Variants in ASTN2 observed in about 807,000 individuals in gnomAD.
ASTN2 encodes the protein astrotactin-2.
A neutral mutation model predicts 139.8 loss-of-function variants in ASTN2; 54 were observed. That is an observed-to-expected ratio of 0.39 (90% CI 0.31 to 0.48). The LOEUF (loss-of-function observed/expected upper bound fraction) is 0.48, where lower values mean the gene tolerates loss of function less well. ASTN2 is among the 20% of genes least tolerant of loss of function. The pLI, the probability that ASTN2 is intolerant of heterozygous loss-of-function variation, is 0.95. For synonymous variants in ASTN2, 756 were observed against 719.5 expected (o/e 1.05, Z -0.81); for missense variants, 1,565 against 1,725.1 (o/e 0.91, Z 1.64).
In ASTN2 at chr9:116,570,465, G is replaced by A. The variant is rs910158775; in HGVS notation, c.3355+47859C>T. On this transcript the variant is annotated intron_variant, in intron 19 of 22. Transcript: ENST00000313400. ...GGCTGGAGTGCAGTGGCATCATCTC[G>A]GCTCACTGCAAGCTCCGCCTCCCAG... Among the ~76,000 whole-genome samples, 8 of 151,750 alleles carry A rather than the reference G, an allele frequency of 5.3e-5. 2 individuals carry two copies. Among genetic ancestry groups the A allele is most frequent in the African/African-American group, 1.2e-4 (5 of 41,322 alleles).
chr9:117,061,087 G>A (rs910506995), intron 5 of ASTN2, among the ~76,000 whole-genome samples: 16 of 151,984 alleles, frequency 1.1e-4, no homozygotes, highest in African/African-American at 3.6e-4. Flanking sequence ...GTTCAAGGAA[G>A]GCAGAAATAC....
rs541277601 is a variant in ASTN2 at position 116,738,179 on chromosome 9, G to A, written c.2397-4656C>T. Among the ~76,000 whole-genome samples, 259 of 142,506 alleles carry A rather than the reference G, an allele frequency of 1.8e-3. 1 individual carries two copies. Among genetic ancestry groups the A allele is most frequent in the African/African-American group, 6.3e-3 (242 of 38,574 alleles). The allele number at this position is 142,506 out of a possible 152,430, so 93.5% of individuals were successfully genotyped here. A position where few individuals can be genotyped will look rare whatever the true frequency, so the allele number is the denominator to read the frequency against. On this transcript the variant is annotated intron_variant, in intron 13 of 22. Transcript: ENST00000313400. Reference sequence around the variant, plus strand: ...TGCACTCCAGCCTGGGCGACAGAGCGAGACTCCGTCTCAAAAAAAAAAAAA... The same window carrying A: ...TGCACTCCAGCCTGGGCGACAGAGCAAGACTCCGTCTCAAAAAAAAAAAAA...
At chr9:116,436,359 G>A (rs1247659351) in intron 22 of ASTN2, among the ~76,000 whole-genome samples, 1 of 152,106 alleles carries the variant, frequency 6.6e-6, no homozygotes, top group Non-Finnish European at 1.5e-5. Context: ...GACCCAGCAG[G>A]TGGGACTCCA....
At chr9:116,871,728 G>T (rs925509271) in intron 10 of ASTN2, among the ~76,000 whole-genome samples, 5 of 152,124 alleles carry the variant, frequency 3.3e-5, no homozygotes, top group African/African-American at 1.2e-4. Flanking sequence ...TGGACATTTT[G>T]GTTGTTTCCA....
chr9:117,014,695 A>G (rs1564384663), intron 6 of ASTN2, among the ~76,000 whole-genome samples: 1 of 152,112 alleles, frequency 6.6e-6, no homozygotes, highest in South Asian at 2.1e-4. Context: ...AGGGTCTTCA[A>G]AGAGGTAATT....
chr9:116,922,805 A>G (rs899866885), intron 10 of ASTN2, among the ~76,000 whole-genome samples: 1 of 152,224 alleles, frequency 6.6e-6, no homozygotes, highest in African/African-American at 2.4e-5. Context: ...TCTGGGGATA[A>G]GCATATCAAA....
At chr9:116,696,398 T>G (rs1860854415) in intron 16 of ASTN2, among the ~76,000 whole-genome samples, 1 of 152,236 alleles carries the variant, frequency 6.6e-6, no homozygotes, top group South Asian at 2.1e-4. Flanking sequence ...ATTTTTCCAT[T>G]TTAAAGGTGG....
chr9:116,686,688 C>G (rs1217269093), intron 16 of ASTN2: 3 of 1,550,188 alleles, frequency 1.9e-6, no homozygotes, highest in Non-Finnish European at 2.6e-6. Flanking sequence ...GGTTTGGGTT[C>G]CCGGGTACCT....
At chr9:117,296,602 G>T (rs1249665619) in intron 1 of ASTN2, among the ~76,000 whole-genome samples, 2 of 152,194 alleles carry the variant, frequency 1.3e-5, no homozygotes, top group Non-Finnish European at 2.9e-5. Flanking sequence ...GCAAAAGGGG[G>T]ACTAAATGCA....
intron 2 of ASTN2, among the ~76,000 whole-genome samples, chr9:117,218,127 A>G (rs1198105067): frequency 6.6e-6 from 1 of 152,218 alleles, no homozygotes; most frequent in Non-Finnish European, 1.5e-5. Flanking sequence ...CAAGTTACCT[A>G]CACAATTTCA....
At chr9:117,157,928 T>C (rs750941294) in intron 3 of ASTN2, among the ~76,000 whole-genome samples, 1 of 151,982 alleles carries the variant, frequency 6.6e-6, no homozygotes, top group Non-Finnish European at 1.5e-5. Context: ...GGAACAAGGA[T>C]CTTAGGGAAA....
chr9:116,668,859 G>T (rs1040807943), intron 16 of ASTN2, among the ~76,000 whole-genome samples: 1 of 152,194 alleles, frequency 6.6e-6, no homozygotes, highest in Non-Finnish European at 1.5e-5. Flanking sequence ...ATGACTTAGT[G>T]TGTCGGTCAG....
chr9:116,902,150 T>C (rs1027397414), intron 10 of ASTN2, among the ~76,000 whole-genome samples: 2 of 152,196 alleles, frequency 1.3e-5, no homozygotes, highest in African/African-American at 4.8e-5. Context: ...ACTGTTACCA[T>C]AGGAGATGAC....
intron 4 of ASTN2, among the ~76,000 whole-genome samples, chr9:117,097,613 T>A (rs1289743046): frequency 1.3e-5 from 2 of 152,302 alleles, no homozygotes; most frequent in African/African-American, 4.8e-5. Context: ...GAGAATTAAG[T>A]GCCTGAAAGA....
intron 3 of ASTN2, among the ~76,000 whole-genome samples, chr9:117,158,198 A>T (rs1007568178): frequency 8.5e-5 from 13 of 152,188 alleles, no homozygotes; most frequent in Non-Finnish European, 5.9e-5. Flanking sequence ...GCTAGTGACT[A>T]TGCATTTATT....
chr9:117,244,708 G>T (rs1213376766), intron 2 of ASTN2, among the ~76,000 whole-genome samples: 1 of 136,290 alleles, frequency 7.3e-6, no homozygotes, highest in Admixed American at 7.3e-5. Context: ...AAGGAGAAAG[G>T]AAGGAGAAAG....
chr9:117,264,664 T>C (rs1011354547), intron 2 of ASTN2, among the ~76,000 whole-genome samples: 17 of 152,170 alleles, frequency 1.1e-4, no homozygotes, highest in Non-Finnish European at 2.2e-4. Flanking sequence ...AAAACACAAC[T>C]GGTCTTCCCC....
chr9:116,430,435 C>G (rs1430700480), intron 22 of ASTN2, among the ~76,000 whole-genome samples: 1 of 152,204 alleles, frequency 6.6e-6, no homozygotes, highest in African/African-American at 2.4e-5. Flanking sequence ...TTCAATGCCA[C>G]TAACTCTTAG....
At chr9:116,542,291 CA>C (rs1342586295) in intron 19 of ASTN2, among the ~76,000 whole-genome samples, 3 of 152,108 alleles carry the variant, frequency 2.0e-5, no homozygotes, top group Admixed American at 6.5e-5. Context: ...TTAGCACCAA[CA>C]AAATATTTTT....
Sources: allele counts gnomAD v4.1 joint callset (sites outside exome capture counted in the v4.1 genomes callset), GRCh38; gene constraint gnomAD v4.1.1; transcripts MANE v1.5; gene names NCBI Gene and HGNC (gene_info 2026-07-23, HGNC 2026-07-21).